SPATS2L: variants seen among roughly 807,000 people sequenced by gnomAD.
SPATS2L encodes the protein spermatogenesis associated serine rich 2 like.
SPATS2L carries 30 observed loss-of-function variants against 59.6 expected under a neutral mutation model. That is an observed-to-expected ratio of 0.50 (90% CI 0.38 to 0.68). The LOEUF (loss-of-function observed/expected upper bound fraction) is 0.68. Among genes scored for constraint, SPATS2L ranks in the 30% least tolerant of loss-of-function variants. SPATS2L has a pLI of 0.00. For missense variants in SPATS2L, 615 were observed against 700.0 expected (o/e 0.88, Z 1.37); for synonymous variants, 252 against 263.5 (o/e 0.96, Z 0.42).
intron 2 of SPATS2L, among the ~76,000 whole-genome samples, chr2:200,376,021 G>A (rs542966747): frequency 6.6e-6 from 1 of 152,290 alleles, no homozygotes; most frequent in East Asian, 1.9e-4. Flanking sequence ...TTCATTGCAA[G>A]CAAGACAGGA....
chr2:200,342,432 C>T (rs1026835572), intron 2 of SPATS2L, among the ~76,000 whole-genome samples: 1 of 152,244 alleles, frequency 6.6e-6, no homozygotes, highest in Non-Finnish European at 1.5e-5. Context: ...TGTTCTCTTG[C>T]AGCTGCTTTA....
At chr2:200,374,420 T>C (rs1420210414) in intron 2 of SPATS2L, among the ~76,000 whole-genome samples, 1 of 152,166 alleles carries the variant, frequency 6.6e-6, no homozygotes, top group Non-Finnish European at 1.5e-5. Flanking sequence ...ATCTCATCCC[T>C]CCAGAAGCCA....
intron 2 of SPATS2L, among the ~76,000 whole-genome samples, chr2:200,357,813 G>A (rs1484557143): frequency 6.6e-6 from 1 of 152,126 alleles, no homozygotes; most frequent in Non-Finnish European, 1.5e-5. Context: ...TAATTTTTGA[G>A]CATCAGTATA....
chr2:200,307,768 C>A (rs778744277), intron 1 of SPATS2L, among the ~76,000 whole-genome samples: 6 of 152,224 alleles, frequency 3.9e-5, no homozygotes, highest in Non-Finnish European at 5.9e-5. Flanking sequence ...CGTGTTCCCG[C>A]GGGGTTGGTG....
rs576677260 is a variant in SPATS2L at position 200,444,712 on chromosome 2, T to A, written c.788+3928T>A. Among the ~76,000 whole-genome samples, 72 of 152,116 alleles carry A rather than the reference T, an allele frequency of 4.7e-4. 1 individual carries two copies. In the South Asian group the frequency reaches 0.015, roughly 31 times the overall value. ...TTGAAAGTAGGTCAGGAGTCTCAGCTCCCCGCACCCTGAGCCCTGGCCCAC... is the reference window on the plus strand; with the variant it reads ...TTGAAAGTAGGTCAGGAGTCTCAGCACCCCGCACCCTGAGCCCTGGCCCAC... On this transcript the variant is annotated intron_variant, in intron 8 of 12. Transcript: ENST00000409140.
chr2:200,331,263 T>C (rs1455807691), intron 2 of SPATS2L, among the ~76,000 whole-genome samples: 1 of 152,248 alleles, frequency 6.6e-6, no homozygotes, highest in Non-Finnish European at 1.5e-5. Flanking sequence ...TCGATGCAAG[T>C]GCCAAAGCTG....
chr2:200,464,838 A>G (rs190051493), intron 9 of SPATS2L, among the ~76,000 whole-genome samples: 72 of 152,278 alleles, frequency 4.7e-4, no homozygotes, highest in Middle Eastern at 3.4e-3. Context: ...TCATCTTCCT[A>G]CTTGAATTGT....
intron 12 of SPATS2L, among the ~76,000 whole-genome samples, chr2:200,473,594 A>G (rs971798162): frequency 2.6e-5 from 4 of 152,338 alleles, no homozygotes; most frequent in African/African-American, 7.2e-5. Context: ...ATTCTTATCT[A>G]TTATGATGTC....
intron 2 of SPATS2L, among the ~76,000 whole-genome samples, chr2:200,337,464 A>G (rs928238184): frequency 6.6e-6 from 1 of 152,166 alleles, no homozygotes; most frequent in African/African-American, 2.4e-5. Flanking sequence ...ATGAGAACTG[A>G]CAGAGTGCCA....
At chr2:200,474,346 T>C (rs2087330283) in intron 12 of SPATS2L, among the ~76,000 whole-genome samples, 3 of 149,856 alleles carry the variant, frequency 2.0e-5, no homozygotes, top group Admixed American at 1.3e-4. Flanking sequence ...GTTTTTGTTC[T>C]TTTTTTTTTC....
chr2:200,424,092 A>G (rs1296443781), intron 6 of SPATS2L, among the ~76,000 whole-genome samples: 1 of 152,138 alleles, frequency 6.6e-6, no homozygotes, highest in Non-Finnish European at 1.5e-5. Flanking sequence ...TTTTTTCTGT[A>G]TCTCAGAATT....
intron 2 of SPATS2L, among the ~76,000 whole-genome samples, chr2:200,377,212 A>G (rs295121): frequency 0.92 from 140,302 of 152,290 alleles, 64,836 homozygotes; most frequent in Middle Eastern, 0.97. Flanking sequence ...CCTAGATCAA[A>G]GTACTTGCCC....
At chr2:200,474,852 G>GTAACT in intron 12 of SPATS2L, among the ~76,000 whole-genome samples, 1 of 152,264 alleles carries the variant, frequency 6.6e-6, no homozygotes, top group East Asian at 1.9e-4. Context: ...GTGTTTTCAA[G>GTAACT]TAACTTCTTG....
intron 2 of SPATS2L, among the ~76,000 whole-genome samples, chr2:200,370,337 T>C (rs1017005265): frequency 6.6e-6 from 1 of 152,174 alleles, no homozygotes; most frequent in African/African-American, 2.4e-5. Flanking sequence ...GTAATAGATA[T>C]GGTGTATATG....
chr2:200,336,737 C>T (rs1253148292), intron 2 of SPATS2L, among the ~76,000 whole-genome samples: 1 of 152,130 alleles, frequency 6.6e-6, no homozygotes, highest in Non-Finnish European at 1.5e-5. Context: ...GTTCATATGT[C>T]TGAAAAATTG....
chr2:200,436,958 G>A (rs1220156760), intron 6 of SPATS2L, among the ~76,000 whole-genome samples: 1 of 152,048 alleles, frequency 6.6e-6, no homozygotes, highest in Non-Finnish European at 1.5e-5. Context: ...TACTTCATGT[G>A]AGATCTGCTT....
chr2:200,456,262 G>A (rs2085828727), intron 8 of SPATS2L, among the ~76,000 whole-genome samples: 1 of 152,186 alleles, frequency 6.6e-6, no homozygotes, highest in African/African-American at 2.4e-5. Flanking sequence ...TTGTGCACAT[G>A]AGTTTTGAAA....
intron 2 of SPATS2L, among the ~76,000 whole-genome samples, chr2:200,343,218 G>T (rs1037769054): frequency 6.6e-6 from 1 of 152,204 alleles, no homozygotes; most frequent in African/African-American, 2.4e-5. Context: ...GTTGGTAAGT[G>T]TATAAGAAGA....
intron 11 of SPATS2L, among the ~76,000 whole-genome samples, chr2:200,472,069 G>A (rs1030724339): frequency 1.2e-4 from 19 of 152,212 alleles, no homozygotes; most frequent in African/African-American, 2.9e-4. Flanking sequence ...CATAATAAAC[G>A]CTGAGCAGAC....
Sources: gnomAD v4.1 joint callset for allele counts (sites outside exome capture counted in the v4.1 genomes callset) on GRCh38, gnomAD v4.1.1 for gene constraint, MANE v1.5 for transcripts, NCBI Gene and HGNC (gene_info 2026-07-23, HGNC 2026-07-21) for gene names.